Variants in NTM observed in about 807,000 individuals in gnomAD.
NTM encodes IgLON family member 2.
A neutral mutation model predicts 42.1 loss-of-function variants in NTM; 13 were observed. That is an observed-to-expected ratio of 0.31 (90% CI 0.20 to 0.49). The LOEUF (loss-of-function observed/expected upper bound fraction) is 0.49, where lower values mean the gene tolerates loss of function less well. Ranked by LOEUF, NTM falls within the 20% of genes least tolerant of loss-of-function variation. NTM has a pLI of 0.99. For synonymous variants in NTM, 187 were observed against 179.2 expected (o/e 1.04, Z -0.35); for missense variants, 373 against 452.8 (o/e 0.82, Z 1.60).
At chr11:131,479,847 G>GC (rs367624246) in intron 1 of NTM, among the ~76,000 whole-genome samples, 53 of 152,226 alleles carry the variant, frequency 3.5e-4, no homozygotes, top group African/African-American at 1.3e-3. Context: ...CTGAATTAAA[G>GC]CAGGTGTGAA....
intron 1 of NTM, among the ~76,000 whole-genome samples, chr11:131,383,215 A>G (rs1171713016): frequency 6.6e-6 from 1 of 152,240 alleles, no homozygotes; most frequent in African/African-American, 2.4e-5. Context: ...ATCTGAAAGC[A>G]TGGCCAGGTG....
In NTM at chr11:131,505,684, G is replaced by A. The variant is rs747916265; in HGVS notation, c.82+134796G>A. On this transcript the variant is annotated intron_variant, in intron 1 of 8. Transcript: ENST00000683400. ...TGTGTTAATCAGTGTTCACACTCACGCACATGCTCACACCCACGGAAAGGA... is the reference window on the plus strand; with the variant it reads ...TGTGTTAATCAGTGTTCACACTCACACACATGCTCACACCCACGGAAAGGA... Among the ~76,000 whole-genome samples, 5 of 152,102 alleles carry A rather than the reference G, an allele frequency of 3.3e-5. No homozygotes were observed. The South Asian group carries it at 6.2e-4, about 19-fold the overall frequency.
intron 1 of NTM, among the ~76,000 whole-genome samples, chr11:131,500,571 ATATATATTTTTT>A (rs750913565): frequency 0.11 from 8,976 of 85,240 alleles, 517 homozygotes; most frequent in East Asian, 0.3. Flanking sequence ...ATATATATAT[ATATATATTTTTT>A]TTTTTTTTTT....
At chr11:131,594,977 G>A (rs2059690450) in intron 1 of NTM, among the ~76,000 whole-genome samples, 3 of 152,112 alleles carry the variant, frequency 2.0e-5, no homozygotes, top group Admixed American at 2.0e-4. Flanking sequence ...TTATAAAACT[G>A]GTCTAAAGAT....
chr11:131,414,391 C>A lies in NTM; in HGVS notation c.82+43503C>A, dbSNP rs185677121. 3.9e-5 allele frequency among the ~76,000 whole-genome samples: 6 copies of A among 152,272 alleles called. No homozygotes were observed. In the East Asian group the frequency reaches 1.2e-3, roughly 29 times the overall value. On this transcript the variant is annotated intron_variant, in intron 1 of 8. Coordinates refer to ENST00000683400, the MANE Select transcript of NTM (RefSeq NM_001352005.2). ...TGCTGAGCTTACACTCTGCTGGGAC[C>A]CCAGTCTCTGATCCCTCTAAAGGGG... is the stretch of plus-strand genomic sequence containing the variant.
chr11:131,796,471 G>C (rs1300469112), intron 1 of NTM, among the ~76,000 whole-genome samples: 1 of 152,332 alleles, frequency 6.6e-6, no homozygotes, highest in Admixed American at 6.5e-5. Flanking sequence ...AGTATGAAGG[G>C]CCTTTGCAGG....
Position 131,568,739 on chromosome 11 carries a change from T to C in NTM, c.82+197851T>C, listed in dbSNP as rs555490957. Reference sequence around the variant, plus strand: ...TGGTTTCTCATTCCACCACGGCCAGTTGAGTATGGAGCACCAGCACGCATT... The same window carrying C: ...TGGTTTCTCATTCCACCACGGCCAGCTGAGTATGGAGCACCAGCACGCATT... On this transcript the variant is annotated intron_variant, in intron 1 of 8. Transcript: ENST00000683400. Among the ~76,000 whole-genome samples, 5 of 152,264 alleles carry C rather than the reference T, an allele frequency of 3.3e-5. No individual in the cohort carries two copies. The South Asian group carries it at 1.0e-3, about 32-fold the overall frequency.
At chr11:132,256,453 A>C (rs2092476680) in intron 4 of NTM, among the ~76,000 whole-genome samples, 1 of 152,138 alleles carries the variant, frequency 6.6e-6, no homozygotes, top group Non-Finnish European at 1.5e-5. Flanking sequence ...CAATGGATAC[A>C]CTTTCCTCTC....
chr11:131,703,938 C>G (rs1592630895), intron 1 of NTM, among the ~76,000 whole-genome samples: 1 of 152,122 alleles, frequency 6.6e-6, no homozygotes, highest in South Asian at 2.1e-4. Flanking sequence ...ACCAAGCCAG[C>G]CCCCACAGCT....
intron 1 of NTM, among the ~76,000 whole-genome samples, chr11:131,706,672 A>T (rs1431959252): frequency 1.3e-5 from 2 of 152,098 alleles, no homozygotes; most frequent in Admixed American, 1.3e-4. Flanking sequence ...GCAATCAATA[A>T]CAGGAGGAAA....
At chr11:131,774,192 C>G (rs968370079) in intron 1 of NTM, 1 of 856,868 alleles carries the variant, frequency 1.2e-6, no homozygotes, top group African/African-American at 1.8e-5. Context: ...ATCTCCATAG[C>G]CTTTATGAGG....
At chr11:132,200,402 C>A (rs890095442) in intron 3 of NTM, among the ~76,000 whole-genome samples, 1 of 152,108 alleles carries the variant, frequency 6.6e-6, no homozygotes, top group Non-Finnish European at 1.5e-5. Context: ...GGCTAATGAC[C>A]CTCCTTTGCT....
intron 1 of NTM, among the ~76,000 whole-genome samples, chr11:131,689,506 T>C (rs1025873912): frequency 6.6e-6 from 1 of 152,248 alleles, no homozygotes; most frequent in Non-Finnish European, 1.5e-5. Flanking sequence ...TAGGCCAGAC[T>C]CATGAGATTC....
At chr11:131,882,857 T>C (rs1255319130) in intron 1 of NTM, among the ~76,000 whole-genome samples, 1 of 152,120 alleles carries the variant, frequency 6.6e-6, no homozygotes, top group Non-Finnish European at 1.5e-5. Flanking sequence ...TGATAAAAGG[T>C]AGGAGTTTCT....
chr11:131,492,236 C>T (rs1308951575), intron 1 of NTM, among the ~76,000 whole-genome samples: 1 of 152,208 alleles, frequency 6.6e-6, no homozygotes, highest in African/African-American at 2.4e-5. Context: ...GTTGGCAGGG[C>T]AGTTACTGTT....
chr11:131,506,793 C>T (rs1040492633), intron 1 of NTM, among the ~76,000 whole-genome samples: 1 of 152,158 alleles, frequency 6.6e-6, no homozygotes, highest in Middle Eastern at 3.2e-3. Context: ...TCTGAGGGCT[C>T]ATGGACACAA....
intron 1 of NTM, among the ~76,000 whole-genome samples, chr11:131,448,912 G>C (rs75798579): frequency 0.011 from 1,638 of 152,278 alleles, 28 homozygotes; most frequent in African/African-American, 0.036. Context: ...TTTGCAGGGG[G>C]CATCTCTAAA....
chr11:132,108,543 G>A (rs1041772520), intron 2 of NTM, among the ~76,000 whole-genome samples: 4 of 152,044 alleles, frequency 2.6e-5, no homozygotes, highest in Admixed American at 1.3e-4. Context: ...GAAGGGTGGC[G>A]GGGCGAGGAA....
intron 1 of NTM, among the ~76,000 whole-genome samples, chr11:131,576,039 G>A (rs144569518): frequency 2.0e-5 from 3 of 152,166 alleles, no homozygotes; most frequent in Non-Finnish European, 2.9e-5. Flanking sequence ...TATATATGTC[G>A]GCAGAAAGCC....
Sources: allele counts gnomAD v4.1 joint callset (sites outside exome capture counted in the v4.1 genomes callset), GRCh38; gene constraint gnomAD v4.1.1; transcripts MANE v1.5; gene names NCBI Gene and HGNC (gene_info 2026-07-23, HGNC 2026-07-21).